Variants in FER1L6 observed in about 807,000 individuals in gnomAD.
FER1L6 encodes the protein fer-1 like family member 6, also known as fer-1-like protein 6.
A neutral mutation model predicts 219.2 loss-of-function variants in FER1L6; 177 were observed. That is an observed-to-expected ratio of 0.81 (90% CI 0.71 to 0.91). The LOEUF (loss-of-function observed/expected upper bound fraction) is 0.91. Among genes scored for constraint, FER1L6 ranks in the 40% least tolerant of loss-of-function variants. FER1L6 has a pLI of 0.00. For synonymous variants in FER1L6, 768 were observed against 824.3 expected (o/e 0.93, Z 1.17); for missense variants, 2,153 against 2,259.9 (o/e 0.95, Z 0.96).
At chr8:124,030,275 T>C (rs1818898503) in intron 18 of FER1L6, among the ~76,000 whole-genome samples, 1 of 152,252 alleles carries the variant, frequency 6.6e-6, no homozygotes, top group African/African-American at 2.4e-5. Context: ...GTGCCTCATC[T>C]GTAGTCACAC....
intron 1 of FER1L6, among the ~76,000 whole-genome samples, chr8:123,896,396 C>T (rs1260949113): frequency 6.6e-6 from 1 of 152,210 alleles, no homozygotes; most frequent in Non-Finnish European, 1.5e-5. Context: ...CAAAATAAGG[C>T]AGAACACATG....
chr8:123,941,295 A>G (rs1347946527), intron 1 of FER1L6, among the ~76,000 whole-genome samples: 2 of 152,228 alleles, frequency 1.3e-5, no homozygotes, highest in Admixed American at 6.5e-5. Context: ...GAAAGCACAG[A>G]GGTCAGGGAA....
chr8:123,973,605 T>G (rs1815921074), intron 7 of FER1L6, 93 bp downstream of exon 7: 4 of 920,642 alleles, frequency 4.3e-6, no homozygotes, highest in Admixed American at 3.5e-5. Context: ...TGTGTGACCA[T>G]TCATTCAATA....
intron 1 of FER1L6, among the ~76,000 whole-genome samples, chr8:123,919,530 C>A (rs898062230): frequency 6.6e-6 from 1 of 152,220 alleles, no homozygotes; most frequent in Admixed American, 6.5e-5. Context: ...ACTGCAATGG[C>A]TGGAGGAGCC....
chr8:123,938,743 T>G (rs1814107460), intron 1 of FER1L6, among the ~76,000 whole-genome samples: 1 of 151,942 alleles, frequency 6.6e-6, no homozygotes, highest in Non-Finnish European at 1.5e-5. Context: ...AGATGGGGTT[T>G]TGCCCTTTTG....
At position 124,119,643 on chromosome 8, in the gene FER1L6, C is replaced by CT; in HGVS notation, c.5430dup (p.Lys1811Ter). 6.2e-7 allele frequency: 1 copy of CT among 1,613,880 alleles called. No homozygotes were observed. The highest frequency in any genetic ancestry group is 8.5e-7 in the Non-Finnish European group (1 of 1,179,818). On this transcript the variant is annotated frameshift_variant, in exon 41 of 41. Transcript: ENST00000522917. LOFTEE classifies it high-confidence loss of function. ...CCTCCTTTTCGTGGTTCATGAGCCCCTTTAAGTGCCTGTACTACCTCATCT... is the reference window on the plus strand; with the variant it reads ...CCTCCTTTTCGTGGTTCATGAGCCCCTTTTAAGTGCCTGTACTACCTCATCT...
In FER1L6 at chr8:123,966,068, G is replaced by T. The variant is rs1462046894; in HGVS notation, c.252+7G>T. 2 of 1,613,654 alleles carry T rather than the reference G, an allele frequency of 1.2e-6. No homozygotes were observed. The highest frequency in any genetic ancestry group is 3.3e-4 in the Middle Eastern group (2 of 6,062). On this transcript the variant is annotated splice_region_variant and intron_variant, in intron 4 of 40. Coordinates refer to ENST00000522917, the MANE Select transcript of FER1L6 (RefSeq NM_001039112.2). The stretch of plus-strand genomic sequence containing the variant: ...CAGATCCCAAAATTATCAAGTAAGT[G>T]ATTGGCTCTTCCTGCCCAGCCTCCC...
At chr8:124,037,352 C>T (rs567424885) in intron 19 of FER1L6, among the ~76,000 whole-genome samples, 6 of 152,216 alleles carry the variant, frequency 3.9e-5, no homozygotes, top group African/African-American at 9.7e-5. Flanking sequence ...TCTCTAGAAA[C>T]ACTCCTGTCG....
Position 124,076,294 on chromosome 8 carries a change from A to T in FER1L6, c.4189A>T (p.Ile1397Phe). The change falls in exon 32 of 41, where the codon ATC becomes TTC. Residue 1397 changes from isoleucine (I) to phenylalanine (F), a missense_variant. Ile to Phe is a conservative substitution (Grantham distance 21). Coordinates refer to ENST00000522917, the MANE Select transcript of FER1L6 (RefSeq NM_001039112.2). ...KTEIKDRDKYIPKQLNPVFGR... is the reference protein window; with the variant it reads ...KTEIKDRDKYFPKQLNPVFGR... ...AGAAATCAAAGACCGGGATAAATAC[A>T]TCCCTAAACAACTGAACCCAGTATT... 6.2e-7 allele frequency: 1 copy of T among 1,613,808 alleles called. No individual in the cohort carries two copies. The highest frequency in any genetic ancestry group is 1.1e-5 in the South Asian group (1 of 91,058).
chr8:124,035,064 T>C (rs1487946912), intron 18 of FER1L6, among the ~76,000 whole-genome samples: 3 of 152,150 alleles, frequency 2.0e-5, no homozygotes, highest in African/African-American at 7.2e-5. Flanking sequence ...AAGCTTTAGG[T>C]CCCACTAGAC....
At chr8:123,996,838 C>A (rs1050091763) in intron 12 of FER1L6, among the ~76,000 whole-genome samples, 1 of 151,840 alleles carries the variant, frequency 6.6e-6, no homozygotes, top group African/African-American at 2.4e-5. Flanking sequence ...GATCTTGTAA[C>A]CCATATTTTA....
At chr8:123,959,401 G>C (rs1815169695) in intron 2 of FER1L6, among the ~76,000 whole-genome samples, 1 of 152,232 alleles carries the variant, frequency 6.6e-6, no homozygotes, top group Admixed American at 6.5e-5. Flanking sequence ...CAGTCAAGGA[G>C]GGGAGCAGGT....
intron 11 of FER1L6, among the ~76,000 whole-genome samples, chr8:123,982,623 T>C (rs868178131): frequency 2.8e-4 from 42 of 152,350 alleles, no homozygotes; most frequent in African/African-American, 8.9e-4. Flanking sequence ...ACTTGGCAGC[T>C]TAAAACAACA....
chr8:123,999,555 T>C (rs1817310108), intron 12 of FER1L6, among the ~76,000 whole-genome samples: 1 of 152,070 alleles, frequency 6.6e-6, no homozygotes. Flanking sequence ...GCCAGCTGTT[T>C]GGGAGGCTGA....
At position 124,001,746 on chromosome 8, in the gene FER1L6, A is replaced by C. The variant is rs533094734; in HGVS notation, c.1520-1421A>C. On this transcript the variant is annotated intron_variant, in intron 12 of 40. Transcript: ENST00000522917. Reference sequence around the variant, plus strand: ...TCACTGATTCACTAAATATGAATCAAGACCCTCCCTGTGTTTATTCCACGA... The same window carrying C: ...TCACTGATTCACTAAATATGAATCACGACCCTCCCTGTGTTTATTCCACGA... 3.3e-5 allele frequency among the ~76,000 whole-genome samples: 5 copies of C among 152,364 alleles called. No individual in the cohort carries two copies. The South Asian group carries it at 1.0e-3, about 32-fold the overall frequency.
chr8:124,118,458 A>G (rs1014736588), intron 39 of FER1L6, among the ~76,000 whole-genome samples: 2 of 152,216 alleles, frequency 1.3e-5, no homozygotes, highest in African/African-American at 4.8e-5. Context: ...CCTCTTGAGA[A>G]CTGACAGAGA....
intron 1 of FER1L6, among the ~76,000 whole-genome samples, chr8:123,934,100 A>G (rs1032211965): frequency 2.6e-5 from 4 of 152,178 alleles, no homozygotes; most frequent in Admixed American, 2.0e-4. Context: ...GGAAATTGGT[A>G]TAATACTATA....
rs73703907 is a variant in FER1L6 at position 124,049,779 on chromosome 8, G to C, written c.2874+23G>C. ...CAGGTGAGTGAACCAGATGTGGCACGAGATCTATTAGGTCTACCTGGCCAG... is the reference window on the plus strand; with the variant it reads ...CAGGTGAGTGAACCAGATGTGGCACCAGATCTATTAGGTCTACCTGGCCAG... On this transcript the variant is annotated intron_variant, in intron 22 of 40. Coordinates refer to ENST00000522917, the MANE Select transcript of FER1L6 (RefSeq NM_001039112.2). 1,807 of 1,613,174 alleles carry C rather than the reference G, an allele frequency of 1.1e-3. 22 individuals are homozygous for C. The African/African-American group carries it at 0.021, about 18-fold the overall frequency.
chr8:123,981,449 A>G (rs1465894313), intron 11 of FER1L6, among the ~76,000 whole-genome samples: 2 of 152,180 alleles, frequency 1.3e-5, no homozygotes, highest in African/African-American at 4.8e-5. Context: ...CAAATGAAAG[A>G]GCTTCATGTT....
Sources: gnomAD v4.1 joint callset for allele counts (sites outside exome capture counted in the v4.1 genomes callset) on GRCh38, gnomAD v4.1.1 for gene constraint, MANE v1.5 for transcripts, NCBI Gene and HGNC (gene_info 2026-07-23, HGNC 2026-07-21) for gene names.